Variants in SDCCAG8 observed in about 807,000 individuals in gnomAD.
The protein encoded by SDCCAG8 is SHH signaling and ciliogenesis regulator SDCCAG8.
In SDCCAG8, 74 loss-of-function variants were observed where a neutral mutation model predicts 101.8. That is an observed-to-expected ratio of 0.73 (90% CI 0.60 to 0.88). SDCCAG8 has a LOEUF of 0.88. SDCCAG8 is among the 40% of genes least tolerant of loss of function. The pLI, the probability that SDCCAG8 is intolerant of heterozygous loss-of-function variation, is 0.00. For missense variants in SDCCAG8, 787 were observed against 822.6 expected (o/e 0.96, Z 0.53); for synonymous variants, 281 against 292.9 (o/e 0.96, Z 0.41).
chr1:243,317,000 C>T, intron 9 of SDCCAG8, 107 bp downstream of exon 9: 1 of 1,166,072 alleles, frequency 8.6e-7, no homozygotes, highest in East Asian at 2.6e-5. Context: ...TTTTCAAACA[C>T]ACAAAGTGAA....
intron 16 of SDCCAG8, among the ~76,000 whole-genome samples, chr1:243,447,246 C>CA (rs2082979926): frequency 4.8e-5 from 2 of 41,416 alleles, no homozygotes; most frequent in African/African-American, 1.9e-4. Context: ...AAGACTTCGT[C>CA]TCAAAAAAAA....
chr1:243,466,009 G>A (rs1056861237), intron 16 of SDCCAG8, among the ~76,000 whole-genome samples: 7 of 152,176 alleles, frequency 4.6e-5, no homozygotes, highest in African/African-American at 1.7e-4. Context: ...AGTGGGGCTG[G>A]CTAATTTCAT....
chr1:243,366,650 T>C (rs2077003933), intron 12 of SDCCAG8, among the ~76,000 whole-genome samples: 1 of 152,050 alleles, frequency 6.6e-6, no homozygotes, highest in South Asian at 2.1e-4. Context: ...TGTTATTTAC[T>C]GTAGCCCAGA....
At chr1:243,440,268 C>T (rs138879856) in intron 16 of SDCCAG8, among the ~76,000 whole-genome samples, 30 of 152,030 alleles carry the variant, frequency 2.0e-4, no homozygotes, top group Admixed American at 5.2e-4. Context: ...ATAAGTTCTT[C>T]GGTTTTATTC....
chr1:243,409,949 A>G (rs986163669), intron 13 of SDCCAG8, among the ~76,000 whole-genome samples: 8 of 152,214 alleles, frequency 5.3e-5, no homozygotes, highest in Admixed American at 2.6e-4. Context: ...GCATCTCCCA[A>G]CAAATTACCT....
At chr1:243,296,410 C>G (rs1480028775) in intron 6 of SDCCAG8, among the ~76,000 whole-genome samples, 1 of 152,136 alleles carries the variant, frequency 6.6e-6, no homozygotes, top group Non-Finnish European at 1.5e-5. Flanking sequence ...CATCTACATT[C>G]TCCTTTTCAT....
chr1:243,304,846 G>C (rs2071924025), intron 7 of SDCCAG8, 69 bp downstream of exon 7: 1 of 950,786 alleles, frequency 1.1e-6, no homozygotes, highest in Admixed American at 1.8e-5. Context: ...TTGAATGTTT[G>C]CTGAACTTCT....
intron 9 of SDCCAG8, among the ~76,000 whole-genome samples, chr1:243,330,096 C>T (rs1198920611): frequency 6.6e-6 from 1 of 152,170 alleles, no homozygotes; most frequent in Non-Finnish European, 1.5e-5. Flanking sequence ...TTCAACATTT[C>T]ATTTTAGTAT....
chr1:243,372,589 T>C (rs2077354838), intron 12 of SDCCAG8, among the ~76,000 whole-genome samples: 1 of 152,106 alleles, frequency 6.6e-6, no homozygotes, highest in Non-Finnish European at 1.5e-5. Flanking sequence ...TATTTGGTTC[T>C]ACTTAATTTA....
At chr1:243,351,687 T>C (rs1292144175) in intron 12 of SDCCAG8, among the ~76,000 whole-genome samples, 1 of 152,260 alleles carries the variant, frequency 6.6e-6, no homozygotes, top group Non-Finnish European at 1.5e-5. Flanking sequence ...AATCAGCCTC[T>C]TTTGTTCTTG....
At chr1:243,266,504 C>T (rs958390571) in intron 1 of SDCCAG8, among the ~76,000 whole-genome samples, 1 of 151,704 alleles carries the variant, frequency 6.6e-6, no homozygotes, top group Non-Finnish European at 1.5e-5. Flanking sequence ...ATTTTTAGTA[C>T]AGATGGGGTT....
intron 16 of SDCCAG8, among the ~76,000 whole-genome samples, chr1:243,449,482 C>G (rs529540934): frequency 1.4e-3 from 214 of 152,300 alleles, no homozygotes; most frequent in Non-Finnish European, 2.3e-3. Flanking sequence ...ATAGCATAGA[C>G]TTGAGGCTGG....
intron 5 of SDCCAG8, 31 bp from the exon 6 acceptor site, chr1:243,293,060 C>T (rs768842119): frequency 5.6e-6 from 9 of 1,613,104 alleles, no homozygotes; most frequent in Non-Finnish European, 7.6e-6. Flanking sequence ...AAGTTGAATT[C>T]AGTTGCAGTT....
intron 16 of SDCCAG8, among the ~76,000 whole-genome samples, chr1:243,479,129 A>G (rs1227423024): frequency 6.6e-6 from 1 of 152,246 alleles, no homozygotes; most frequent in Non-Finnish European, 1.5e-5. Context: ...ACAAAGTAAT[A>G]CAGCTTTACA....
At chr1:243,331,939 C>T (rs1373636689) in intron 10 of SDCCAG8, among the ~76,000 whole-genome samples, 1 of 152,104 alleles carries the variant, frequency 6.6e-6, no homozygotes, top group Non-Finnish European at 1.5e-5. Context: ...TGTGATAAAG[C>T]CATAAGGTTC....
At chr1:243,410,164 T>C (rs2080072366) in intron 13 of SDCCAG8, among the ~76,000 whole-genome samples, 1 of 152,136 alleles carries the variant, frequency 6.6e-6, no homozygotes, top group South Asian at 2.1e-4. Flanking sequence ...TGGTATTCAG[T>C]GATGTCACTT....
chr1:243,336,941 G>A (rs2075051627), intron 10 of SDCCAG8, among the ~76,000 whole-genome samples: 1 of 152,062 alleles, frequency 6.6e-6, no homozygotes, highest in African/African-American at 2.4e-5. Flanking sequence ...CTCCCATTCT[G>A]TAGGTTGTCT....
intron 13 of SDCCAG8, among the ~76,000 whole-genome samples, chr1:243,386,095 C>T (rs1394472655): frequency 6.6e-6 from 1 of 152,212 alleles, no homozygotes; most frequent in Admixed American, 6.5e-5. Flanking sequence ...TGCTGAGCCC[C>T]TGCTGTTCCA....
At position 243,335,214 on chromosome 1, in the gene SDCCAG8, G is replaced by A. The variant is rs533567568; in HGVS notation, c.1221+4522G>A. ...GCAAGAGATCATGGAAGGCTTTGGG[G>A]AAAAAATGGCATTTTCGTTGAGCTT... On this transcript the variant is annotated intron_variant, in intron 10 of 17. Transcript: ENST00000366541. Among the ~76,000 whole-genome samples, 39 of 152,256 alleles carry A rather than the reference G, an allele frequency of 2.6e-4. No homozygotes were observed. In the South Asian group the frequency reaches 6.8e-3, roughly 27 times the overall value.
Sources: allele counts gnomAD v4.1 joint callset (sites outside exome capture counted in the v4.1 genomes callset), GRCh38; gene constraint gnomAD v4.1.1; transcripts MANE v1.5; gene names NCBI Gene and HGNC (gene_info 2026-07-23, HGNC 2026-07-21).